Variants in CDH12 observed in about 807,000 individuals in gnomAD.
CDH12 encodes the protein cadherin 12, also known as cadherin-12.
A neutral mutation model predicts 74.1 loss-of-function variants in CDH12; 41 were observed. That is an observed-to-expected ratio of 0.55 (90% CI 0.43 to 0.72). The LOEUF (loss-of-function observed/expected upper bound fraction) is 0.72, where lower values mean the gene tolerates loss of function less well. Among genes scored for constraint, CDH12 ranks in the 30% least tolerant of loss-of-function variants. The pLI is 0.00. For missense variants in CDH12, 945 were observed against 977.2 expected (o/e 0.97, Z 0.44); for synonymous variants, 399 against 355.0 (o/e 1.12, Z -1.39).
rs530020813 is a variant in CDH12, at chr5:22,743,277, T to C, written c.-523+109781A>G. Among the ~76,000 whole-genome samples, 214 of 138,954 alleles carry C rather than the reference T, an allele frequency of 1.5e-3. 3 individuals are homozygous for C. Among genetic ancestry groups the C allele is most frequent in the Admixed American group, 3.6e-3 (48 of 13,470 alleles). The allele number at this position is 138,954 out of a possible 152,430, so 91.2% of individuals were successfully genotyped here. On this transcript the variant is annotated intron_variant, in intron 1 of 14. Transcript: ENST00000382254. ...CATGGAGATTATATATATATATATA[T>C]ATATGTATATATATGTATATGTATA...
chr5:21,814,142 AGT>A (rs59666017), intron 9 of CDH12, among the ~76,000 whole-genome samples: 5,060 of 145,480 alleles, frequency 0.035, 125 homozygotes, highest in African/African-American at 0.071. Context: ...AGGAGAAATG[AGT>A]GTGTGTGTGT....
intron 1 of CDH12, among the ~76,000 whole-genome samples, chr5:22,557,065 T>C (rs1738832321): frequency 6.6e-6 from 1 of 152,104 alleles, no homozygotes; most frequent in Non-Finnish European, 1.5e-5. Flanking sequence ...TGTTCCAGGC[T>C]AGTTAAGTAT....
chr5:22,151,319 T>C (rs1363150695), intron 4 of CDH12, among the ~76,000 whole-genome samples: 1 of 152,148 alleles, frequency 6.6e-6, no homozygotes, highest in Non-Finnish European at 1.5e-5. Context: ...TAAAAAAGTG[T>C]AATAAGCTGT....
rs111901298 is a variant in CDH12, at chr5:22,349,269, A to G, written c.-333+55988T>C. 9.1e-4 allele frequency among the ~76,000 whole-genome samples: 139 copies of G among 152,306 alleles called. 1 individual carries two copies. Among genetic ancestry groups the G allele is most frequent in the African/African-American group, 3.2e-3 (131 of 41,574 alleles). ...GTTATAGCTGCCCGAATAAACCTTG[A>G]CAGTCAGTTTCCCTCCTCTGGACTG... is the stretch of plus-strand genomic sequence containing the variant. On this transcript the variant is annotated intron_variant, in intron 3 of 14. Transcript: ENST00000382254.
chr5:22,047,997 C>T (rs1327872944), intron 5 of CDH12, among the ~76,000 whole-genome samples: 3 of 152,030 alleles, frequency 2.0e-5, no homozygotes, highest in East Asian at 1.9e-4. Flanking sequence ...TTGTTTTCTC[C>T]GTATGAATGT....
intron 1 of CDH12, among the ~76,000 whole-genome samples, chr5:22,644,632 C>A (rs1739339682): frequency 6.6e-6 from 1 of 151,864 alleles, no homozygotes; most frequent in Admixed American, 6.6e-5. Flanking sequence ...TATATAGAAG[C>A]TGCAGTATGT....
chr5:22,063,709 G>GTT (rs372039381), intron 5 of CDH12, among the ~76,000 whole-genome samples: 2 of 149,302 alleles, frequency 1.3e-5, no homozygotes, highest in Admixed American at 6.7e-5. Flanking sequence ...CTGTGAAGGT[G>GTT]TTTTTTTTTA....
At chr5:21,996,156 C>T (rs1313761196) in intron 5 of CDH12, among the ~76,000 whole-genome samples, 1 of 133,152 alleles carries the variant, frequency 7.5e-6, no homozygotes, top group Non-Finnish European at 1.6e-5. Context: ...GAAGTGTAGA[C>T]CATGTCTTTC....
chr5:22,693,505 A>T (rs768662644), intron 1 of CDH12, among the ~76,000 whole-genome samples: 20 of 152,116 alleles, frequency 1.3e-4, no homozygotes, highest in Non-Finnish European at 2.8e-4. Context: ...GAAATAACCC[A>T]TTTTGTGTGC....
At chr5:22,731,292 G>GA (rs1205058103) in intron 1 of CDH12, among the ~76,000 whole-genome samples, 1 of 151,760 alleles carries the variant, frequency 6.6e-6, no homozygotes, top group African/African-American at 2.4e-5. Flanking sequence ...GGTGGTGTTT[G>GA]AAATAAAAGT....
At chr5:21,920,517 G>A (rs970865354) in intron 6 of CDH12, among the ~76,000 whole-genome samples, 6 of 152,062 alleles carry the variant, frequency 3.9e-5, no homozygotes, top group African/African-American at 1.2e-4. Flanking sequence ...ATCACACACC[G>A]GGGCCTGTCA....
chr5:21,972,553 G>T (rs6880280), intron 6 of CDH12, among the ~76,000 whole-genome samples: 274 of 152,242 alleles, frequency 1.8e-3, no homozygotes, highest in African/African-American at 6.4e-3. Flanking sequence ...CTGGTAAGAA[G>T]GGTGCACTTG....
At chr5:22,070,073 T>G (rs1279903537) in intron 5 of CDH12, among the ~76,000 whole-genome samples, 1 of 152,162 alleles carries the variant, frequency 6.6e-6, no homozygotes, top group Non-Finnish European at 1.5e-5. Flanking sequence ...CTTCCTTATT[T>G]TATTTTAAAT....
At position 21,978,766 on chromosome 5, in the gene CDH12, G is replaced by A. The variant is rs188875661; in HGVS notation, c.232-3381C>T. On this transcript the variant is annotated intron_variant, in intron 5 of 14. Transcript: ENST00000382254. ...TGTGCGTGTGTGTATGTATGTATAC[G>A]CACGTGTTTATGTGTTTTCTGGGGT... 6.8e-3 allele frequency among the ~76,000 whole-genome samples: 1,040 copies of A among 152,058 alleles called. 5 individuals carry two copies. The highest frequency in any genetic ancestry group is 9.8e-3 in the Non-Finnish European group (667 of 67,992).
intron 4 of CDH12, chr5:22,139,742 A>G (rs1367234782): frequency 6.6e-6 from 1 of 151,790 alleles, no homozygotes; most frequent in Non-Finnish European, 1.5e-5. Context: ...ATACATTTAA[A>G]AGTATCCAAC....
At chr5:22,441,045 T>A (rs2126541252) in intron 2 of CDH12, among the ~76,000 whole-genome samples, 1 of 152,318 alleles carries the variant, frequency 6.6e-6, no homozygotes, top group Non-Finnish European at 1.5e-5. Flanking sequence ...TCTGGTCATT[T>A]GCTTTTATTT....
intron 1 of CDH12, among the ~76,000 whole-genome samples, chr5:22,626,521 G>A (rs969085597): frequency 2.6e-5 from 4 of 152,166 alleles, no homozygotes; most frequent in African/African-American, 9.7e-5. Flanking sequence ...ATCAAAGCTA[G>A]TTGACCTAAC....
At chr5:22,117,761 C>T (rs777645750) in intron 4 of CDH12, among the ~76,000 whole-genome samples, 2 of 150,724 alleles carry the variant, frequency 1.3e-5, no homozygotes, top group South Asian at 4.2e-4. Context: ...TGCATGTATA[C>T]ACTTATATGG....
intron 9 of CDH12, among the ~76,000 whole-genome samples, chr5:21,811,803 A>G (rs1160691174): frequency 6.9e-6 from 1 of 145,428 alleles, no homozygotes; most frequent in Non-Finnish European, 1.5e-5. Flanking sequence ...TGTTTTACCA[A>G]TATCTTATGC....
Sources: allele counts gnomAD v4.1 joint callset (sites outside exome capture counted in the v4.1 genomes callset), GRCh38; gene constraint gnomAD v4.1.1; transcripts MANE v1.5; gene names NCBI Gene and HGNC (gene_info 2026-07-23, HGNC 2026-07-21).